The following HIVEP1 variants were observed in gnomAD, a reference collection of about 807,000 sequenced individuals.
The protein encoded by HIVEP1 is zinc finger protein 40.
In HIVEP1, 36 loss-of-function variants were observed where a neutral mutation model predicts 180.0. The ratio of observed to expected loss-of-function variants is 0.20; its 90% CI spans 0.15 to 0.26. HIVEP1 has a LOEUF of 0.26. HIVEP1 is among the 10% of genes least tolerant of loss of function. The pLI is 1.00. For synonymous variants in HIVEP1, 1,239 were observed against 1,239.0 expected (o/e 1.00, Z 0.00); for missense variants, 3,143 against 3,268.7 (o/e 0.96, Z 0.94).
chr6:12,193,065 T>C, the HIVEP1 span, among the ~76,000 whole-genome samples: 1 of 152,174 alleles, frequency 6.6e-6, no homozygotes, highest in South Asian at 2.1e-4. Flanking sequence ...TTATAAGGCT[T>C]ACTCAGCCTC....
At position 12,125,271 on chromosome 6, in the gene HIVEP1, G is replaced by A. The variant is rs1161473313; in HGVS notation, c.5476G>A (p.Glu1826Lys). 2 of 1,613,946 alleles carry A rather than the reference G, an allele frequency of 1.2e-6. No individual in the cohort carries two copies. Among genetic ancestry groups the A allele is most frequent in the African/African-American group, 2.7e-5 (2 of 74,914 alleles). The part of the protein sequence containing the change: ...DVFSQPEISN[E>K]AVNLTNVLPA... The stretch of plus-strand genomic sequence containing the variant: ...TTTTTCTCAACCTGAAATTAGTAAT[G>A]AGGCTGTTAATTTGACAAATGTTTT... Residue 1826 changes from glutamate (E) to lysine (K), a missense_variant, in exon 4 of 9, where the codon GAG (glutamate) becomes AAG (lysine). Transcript: ENST00000379388.
chr6:12,137,278 G>T (rs1202186280), intron 7 of HIVEP1, among the ~76,000 whole-genome samples: 2 of 152,298 alleles, frequency 1.3e-5, no homozygotes, highest in East Asian at 3.9e-4. Context: ...TCAAGAAGAT[G>T]AGTCTTATAA....
In HIVEP1 at chr6:12,129,890, A is replaced by C. The variant is rs1330183545; in HGVS notation, c.6207A>C (p.Gly2069=). The C allele has an allele frequency of 2.6e-6, 4 of 1,544,480 alleles. No homozygotes were observed. Among genetic ancestry groups the C allele is most frequent in the Non-Finnish European group, 3.6e-6 (4 of 1,125,588 alleles). Residue 2069 remains glycine, a splice_region_variant and synonymous_variant, in exon 5 of 9, where the codon GGA becomes GGC. Transcript: ENST00000379388. Reference sequence around the variant, plus strand: ...CAAGAAGAATTAAAATATTTGATGGAGGGCAAGTACAAATTTTACTTCTTA... The same window carrying C: ...CAAGAAGAATTAAAATATTTGATGGCGGGCAAGTACAAATTTTACTTCTTA... The part of the protein sequence containing the change: ...SEPRRIKIFD[G]GYKSNEEYVY...
At chr6:12,162,250 G>A (rs952583939) in intron 8 of HIVEP1, among the ~76,000 whole-genome samples, 6 of 148,252 alleles carry the variant, frequency 4.0e-5, no homozygotes, top group Admixed American at 3.4e-4. Flanking sequence ...TGACAGTGGC[G>A]AACACAAGTC....
At chr6:12,184,056 G>GAC in the HIVEP1 span, among the ~76,000 whole-genome samples, 1 of 148,698 alleles carries the variant, frequency 6.7e-6, no homozygotes. Context: ...CAGACAGACA[G>GAC]ACAGACTGAT....
intron 2 of HIVEP1, among the ~76,000 whole-genome samples, chr6:12,054,033 A>G (rs1770707273): frequency 6.6e-6 from 1 of 152,240 alleles, no homozygotes; most frequent in Non-Finnish European, 1.5e-5. Flanking sequence ...CATTTCAAAT[A>G]GTCTGTCATA....
Position 12,163,888 on chromosome 6 carries a change from C to G in HIVEP1, c.7584C>G (p.Asn2528Lys). 1 of 1,614,162 alleles carries G rather than the reference C, an allele frequency of 6.2e-7. No individual in the cohort carries two copies. Among genetic ancestry groups the G allele is most frequent in the Non-Finnish European group, 8.5e-7 (1 of 1,180,036 alleles). The change falls in exon 9 of 9, where the codon AAC becomes AAG. Residue 2528 changes from asparagine (N) to lysine (K), a missense_variant. Asn to Lys is a moderately conservative substitution (Grantham distance 94). Transcript: ENST00000379388. ...NAVGLQVLTANPSSQSSPAPQ... is the reference protein window; with the variant it reads ...NAVGLQVLTAKPSSQSSPAPQ... ...TCGGACTGCAGGTTCTGACTGCAAA[C>G]CCTTCATCACAAAGCAGCCCCGCCC...
intron 7 of HIVEP1, among the ~76,000 whole-genome samples, chr6:12,154,401 A>G (rs1469085843): frequency 6.6e-6 from 1 of 152,242 alleles, no homozygotes; most frequent in Admixed American, 6.5e-5. Flanking sequence ...TATCTAGGAC[A>G]GGACCTTACT....
chr6:12,073,957 A>T (rs1772158583), intron 2 of HIVEP1, among the ~76,000 whole-genome samples: 1 of 151,734 alleles, frequency 6.6e-6, no homozygotes, highest in Non-Finnish European at 1.5e-5. Context: ...TGCACCACAC[A>T]CTCCCCACCT....
intron 2 of HIVEP1, among the ~76,000 whole-genome samples, chr6:12,051,295 C>A (rs1770523960): frequency 6.6e-6 from 1 of 151,622 alleles, no homozygotes; most frequent in Non-Finnish European, 1.5e-5. Flanking sequence ...GGTTATGCTA[C>A]CACCTTATAA....
intron 5 of HIVEP1, 129 bp downstream of exon 5, chr6:12,130,021 G>A (rs1465748562): frequency 1.6e-6 from 1 of 639,196 alleles, no homozygotes; most frequent in Non-Finnish European, 2.8e-6. Context: ...CATATTAACA[G>A]AATCTCCATA....
At chr6:12,079,938 A>ATCTG (rs1772658247) in intron 2 of HIVEP1, among the ~76,000 whole-genome samples, 1 of 114,306 alleles carries the variant, frequency 8.7e-6, no homozygotes, top group African/African-American at 3.8e-5. Flanking sequence ...GATGGCATCT[A>ATCTG]TCTATCTATC....
chr6:12,139,980 G>A (rs1304660377), intron 7 of HIVEP1, among the ~76,000 whole-genome samples: 1 of 152,226 alleles, frequency 6.6e-6, no homozygotes, highest in Non-Finnish European at 1.5e-5. Flanking sequence ...TCTGAAGAGA[G>A]CAGTGGTTCT....
chr6:12,210,735 TA>T, the HIVEP1 span, among the ~76,000 whole-genome samples: 1 of 152,136 alleles, frequency 6.6e-6, no homozygotes, highest in Non-Finnish European at 1.5e-5. Context: ...ATTGATTAAA[TA>T]CAACTTAACT....
intron 2 of HIVEP1, among the ~76,000 whole-genome samples, chr6:12,048,261 C>T (rs80324683): frequency 0.15 from 23,467 of 152,232 alleles, 2,190 homozygotes; most frequent in Non-Finnish European, 0.22. Context: ...GCGCCGTCCG[C>T]GGCAGCAGGG....
At chr6:12,013,807 AATACTT>A (rs57116291) in intron 1 of HIVEP1, among the ~76,000 whole-genome samples, 10,617 of 134,806 alleles carry the variant, frequency 0.079, 445 homozygotes, top group South Asian at 0.24. Context: ...TGCTAGATGA[AATACTT>A]AGACCATCAT....
At chr6:12,131,779 T>TAAAAAAAAAA (rs143910763) in intron 6 of HIVEP1, among the ~76,000 whole-genome samples, 10 of 90,694 alleles carry the variant, frequency 1.1e-4, no homozygotes, top group Non-Finnish European at 1.9e-4. Context: ...GAGAAAACAG[T>TAAAAAAAAAA]AAAAAAAAAA....
At position 12,164,110 on chromosome 6, in the gene HIVEP1, G is replaced by T. The variant is rs769397788; in HGVS notation, c.7806G>T (p.Gly2602=). ...NQVSRTESPQ[G]LPTVQRENAK... ...TCAGCAGGACCGAGTCTCCTCAGGG[G>T]TTACCTACAGTCCAGCGGGAAAATG... The change falls in exon 9 of 9, where the codon GGG becomes GGT. Residue 2602 remains glycine, a synonymous_variant. Coordinates refer to ENST00000379388, the MANE Select transcript of HIVEP1 (RefSeq NM_002114.4). 11 of 1,614,106 alleles carry T rather than the reference G, an allele frequency of 6.8e-6. No individual in the cohort carries two copies. The highest frequency in any genetic ancestry group is 1.1e-5 in the South Asian group (1 of 91,074).
chr6:12,183,936 G>T, the HIVEP1 span, among the ~76,000 whole-genome samples: 1 of 151,792 alleles, frequency 6.6e-6, no homozygotes, highest in South Asian at 2.1e-4. Context: ...ATTTTAAGGA[G>T]CTACAGTGGC....
Sources: allele counts gnomAD v4.1 joint callset (sites outside exome capture counted in the v4.1 genomes callset), GRCh38; gene constraint gnomAD v4.1.1; transcripts MANE v1.5; gene names NCBI Gene and HGNC (gene_info 2026-07-23, HGNC 2026-07-21).